Variants in ANKS1B observed in about 807,000 individuals in gnomAD.
ANKS1B encodes ankyrin repeat and sterile alpha motif domain-containing protein 1B.
Under a neutral mutation model 148.3 loss-of-function variants are expected in ANKS1B, and 36 were observed. The observed-to-expected ratio is 0.24, with a 90% CI of 0.19 to 0.32. The LOEUF (loss-of-function observed/expected upper bound fraction) is 0.32, where lower values mean the gene tolerates loss of function less well. Ranked by LOEUF, ANKS1B falls within the 10% of genes least tolerant of loss-of-function variation. The probability of loss-of-function intolerance (pLI) is 1.00; values close to 1 mark genes in which losing one functional copy is unlikely to be tolerated. For missense variants in ANKS1B, 1,157 were observed against 1,542.6 expected, an observed-to-expected ratio of 0.75 and a Z score of 4.19; for synonymous variants, 542 against 560.8, an observed-to-expected ratio of 0.97 and a Z score of 0.47.
chr12:99,796,002 AACTTTC>A (rs1357200707), intron 4 of ANKS1B, among the ~76,000 whole-genome samples: 1 of 152,016 alleles, frequency 6.6e-6, no homozygotes, highest in African/African-American at 2.4e-5. Context: ...GTAAGTCAAG[AACTTTC>A]ACCTTTTCAC....
intron 12 of ANKS1B, among the ~76,000 whole-genome samples, chr12:99,355,978 A>G (rs1592971657): frequency 6.6e-6 from 1 of 152,248 alleles, no homozygotes; most frequent in East Asian, 1.9e-4. Context: ...CCAGGGTCTA[A>G]TCAGAGGACA....
chr12:98,750,546 G>T (rs892275576), intron 26 of ANKS1B, among the ~76,000 whole-genome samples: 2 of 152,172 alleles, frequency 1.3e-5, no homozygotes, highest in Non-Finnish European at 2.9e-5. Context: ...AAGGAGGAGA[G>T]ACAGTTCCAG....
In ANKS1B at chr12:99,468,064, C is replaced by G. The variant is rs576956293; in HGVS notation, c.1439-24255G>C. On this transcript the variant is annotated intron_variant, in intron 10 of 26. Coordinates refer to ENST00000683438, the MANE Select transcript of ANKS1B (RefSeq NM_001352186.2). Reference sequence around the variant, plus strand: ...CACTACAAGGCTACAGTAACCAAAACAGCATGGTACTGGTACCAAAACAGA... The same window carrying G: ...CACTACAAGGCTACAGTAACCAAAAGAGCATGGTACTGGTACCAAAACAGA... 1.7e-4 allele frequency among the ~76,000 whole-genome samples: 26 copies of G among 152,280 alleles called. No homozygotes were observed. In the East Asian group the frequency reaches 2.9e-3, roughly 17 times the overall value.
At chr12:99,561,252 C>T (rs1041451036) in intron 9 of ANKS1B, among the ~76,000 whole-genome samples, 2 of 152,106 alleles carry the variant, frequency 1.3e-5, no homozygotes, top group African/African-American at 4.8e-5. Context: ...AGCATTTTAC[C>T]CAGAGCAGAA....
At chr12:98,839,391 G>GTAGGCATC (rs1567037765) in intron 17 of ANKS1B, among the ~76,000 whole-genome samples, 6 of 126,512 alleles carry the variant, frequency 4.7e-5, no homozygotes, top group African/African-American at 1.6e-4. Flanking sequence ...ATGTATGTAT[G>GTAGGCATC]TATGTATCTA....
intron 10 of ANKS1B, among the ~76,000 whole-genome samples, chr12:99,500,769 C>T (rs915389079): frequency 6.6e-6 from 1 of 152,182 alleles, no homozygotes; most frequent in East Asian, 1.9e-4. Context: ...TCTACCTCTT[C>T]GAGCTCAAGG....
At chr12:99,698,711 G>T (rs1398170482) in intron 8 of ANKS1B, among the ~76,000 whole-genome samples, 1 of 152,134 alleles carries the variant, frequency 6.6e-6, no homozygotes, top group Non-Finnish European at 1.5e-5. Flanking sequence ...GTTGGGACAT[G>T]CTGTTTCATT....
intron 12 of ANKS1B, among the ~76,000 whole-genome samples, chr12:99,376,102 C>T (rs770973181): frequency 6.6e-6 from 1 of 152,126 alleles, no homozygotes; most frequent in Admixed American, 6.5e-5. Context: ...CAAAAATAAA[C>T]TTCTGAACTT....
At chr12:99,691,111 C>T (rs543834253) in intron 8 of ANKS1B, among the ~76,000 whole-genome samples, 116 of 152,326 alleles carry the variant, frequency 7.6e-4, no homozygotes, top group African/African-American at 2.5e-3. Context: ...TGTACCTTTG[C>T]CCCTTTTAGC....
chr12:99,663,976 G>C (rs1177271834), intron 8 of ANKS1B, among the ~76,000 whole-genome samples: 1 of 152,028 alleles, frequency 6.6e-6, no homozygotes, highest in African/African-American at 2.4e-5. Context: ...CAATCAATTT[G>C]AACGTTTTTA....
At chr12:98,757,935 C>T (rs1236918280) in intron 25 of ANKS1B, among the ~76,000 whole-genome samples, 1 of 128,720 alleles carries the variant, frequency 7.8e-6, no homozygotes, top group African/African-American at 3.1e-5. Context: ...TGCATGTGTG[C>T]ACGTGTGTGT....
chr12:99,620,892 A>T (rs1195842491), intron 9 of ANKS1B, among the ~76,000 whole-genome samples: 2 of 152,158 alleles, frequency 1.3e-5, no homozygotes, highest in East Asian at 3.8e-4. Context: ...ACATCTGGAT[A>T]GAAGAAACCC....
chr12:99,724,284 G>T (rs928518689), intron 8 of ANKS1B, among the ~76,000 whole-genome samples: 1 of 152,158 alleles, frequency 6.6e-6, no homozygotes, highest in Non-Finnish European at 1.5e-5. Context: ...CTGCTAACTA[G>T]AATAACCAGT....
At chr12:99,756,971 T>C (rs1006065511) in intron 8 of ANKS1B, among the ~76,000 whole-genome samples, 1 of 133,578 alleles carries the variant, frequency 7.5e-6, no homozygotes, top group African/African-American at 2.8e-5. Context: ...GACTTAAATG[T>C]AATACCCAAA....
chr12:99,205,213 G>A (rs1213244971), intron 14 of ANKS1B, among the ~76,000 whole-genome samples: 2 of 152,178 alleles, frequency 1.3e-5, no homozygotes, highest in African/African-American at 2.4e-5. Context: ...TTAGCTGGCA[G>A]GATTAGAAAT....
intron 12 of ANKS1B, among the ~76,000 whole-genome samples, chr12:99,341,550 G>A (rs1194654439): frequency 1.3e-5 from 2 of 152,056 alleles, no homozygotes; most frequent in Non-Finnish European, 2.9e-5. Context: ...GTTCCCTTCT[G>A]CATCTAAATT....
chr12:98,761,880 C>T (rs1055938498), intron 25 of ANKS1B, among the ~76,000 whole-genome samples: 3 of 152,220 alleles, frequency 2.0e-5, no homozygotes, highest in South Asian at 2.1e-4. Context: ...GGAGGCTGCT[C>T]TTTCTGAGTG....
Position 99,599,092 on chromosome 12 carries a change from T to C in ANKS1B, c.1272+55975A>G, listed in dbSNP as rs1359393522. Among the ~76,000 whole-genome samples the C allele has an allele frequency of 3.3e-5, 5 of 152,208 alleles. No homozygotes were observed. The South Asian group carries it at 1.0e-3, about 32-fold the overall frequency. ...TAAAGATCTCCCTCTGTCTCCTTCT[T>C]ATAAGGATACATGTGATTGCACTTA... On this transcript the variant is annotated intron_variant, in intron 9 of 26. Transcript: ENST00000683438.
At chr12:99,613,191 A>C (rs1567476197) in intron 9 of ANKS1B, among the ~76,000 whole-genome samples, 1 of 152,150 alleles carries the variant, frequency 6.6e-6, no homozygotes, top group Non-Finnish European at 1.5e-5. Context: ...TCAAAAGTCA[A>C]AAAAATAACA....
Sources: gnomAD v4.1 joint callset for allele counts (sites outside exome capture counted in the v4.1 genomes callset) on GRCh38, gnomAD v4.1.1 for gene constraint, MANE v1.5 for transcripts, NCBI Gene and HGNC (gene_info 2026-07-23, HGNC 2026-07-21) for gene names.